Variants in RBFOX1 observed in about 807,000 individuals in gnomAD.
RBFOX1 encodes the protein RNA binding fox-1 homolog 1, also known as RNA binding protein fox-1 homolog 1.
In RBFOX1, 8 loss-of-function variants were observed where a neutral mutation model predicts 57.7. That is an observed-to-expected ratio of 0.14 (90% CI 0.08 to 0.25). The LOEUF is 0.25. Ranked by LOEUF, RBFOX1 falls within the 10% of genes least tolerant of loss-of-function variation. The pLI is 1.00. For missense variants in RBFOX1, 611 were observed against 548.5 expected (o/e 1.11, Z -1.14); for synonymous variants, 326 against 222.4 (o/e 1.47, Z -4.15).
At chr16:7,578,651 C>T (rs991611179) in intron 5 of RBFOX1, among the ~76,000 whole-genome samples, 2 of 151,736 alleles carry the variant, frequency 1.3e-5, no homozygotes, top group East Asian at 2.0e-4. Flanking sequence ...TGCTTATAAA[C>T]AGGTCAGGAT....
chr16:7,629,375 A>G (rs1245488527), intron 10 of RBFOX1, among the ~76,000 whole-genome samples: 1 of 152,196 alleles, frequency 6.6e-6, no homozygotes, highest in East Asian at 1.9e-4. Context: ...CCCTAGGGCA[A>G]GTCTCCAAGG....
chr16:7,508,236 C>A (rs936824309), intron 4 of RBFOX1, among the ~76,000 whole-genome samples: 1 of 152,110 alleles, frequency 6.6e-6, no homozygotes, highest in East Asian at 1.9e-4. Context: ...CCTCGGCCTT[C>A]CTAAGTGCTG....
At chr16:5,269,298 T>G (rs1337297304) in intron 1 of RBFOX1, among the ~76,000 whole-genome samples, 53 of 152,400 alleles carry the variant, frequency 3.5e-4, no homozygotes, top group Admixed American at 3.1e-3. Flanking sequence ...GTTTCCCTGA[T>G]GATGAATTTC....
At chr16:6,912,725 C>T (rs1449002886) in intron 3 of RBFOX1, among the ~76,000 whole-genome samples, 1 of 151,920 alleles carries the variant, frequency 6.6e-6, no homozygotes, top group Non-Finnish European at 1.5e-5. Context: ...TCAAGCAAGC[C>T]TACTACCTCA....
intron 5 of RBFOX1, among the ~76,000 whole-genome samples, chr16:7,554,189 A>G (rs1448334454): frequency 6.6e-6 from 1 of 152,226 alleles, no homozygotes; most frequent in Non-Finnish European, 1.5e-5. Context: ...AACAGTTTCA[A>G]TTTAATGTGT....
At chr16:5,479,749 TC>T (rs1245424862) in intron 2 of RBFOX1, among the ~76,000 whole-genome samples, 5 of 151,488 alleles carry the variant, frequency 3.3e-5, no homozygotes, top group Admixed American at 2.0e-4. Flanking sequence ...CGAAACTCCA[TC>T]CCCGCCCCTC....
At chr16:6,563,999 A>G (rs902104667) in intron 2 of RBFOX1, among the ~76,000 whole-genome samples, 1 of 151,986 alleles carries the variant, frequency 6.6e-6, no homozygotes, top group Non-Finnish European at 1.5e-5. Flanking sequence ...AGACATGTAA[A>G]CTACAGCACC....
chr16:6,934,416 C>T (rs76045051), intron 3 of RBFOX1, among the ~76,000 whole-genome samples: 3,757 of 152,090 alleles, frequency 0.025, 101 homozygotes, highest in African/African-American at 0.069. Flanking sequence ...GAAAGGGAGA[C>T]CTGCCTTTAC....
chr16:6,216,571 C>T (rs551678794), intron 1 of RBFOX1, among the ~76,000 whole-genome samples: 5 of 152,136 alleles, frequency 3.3e-5, no homozygotes, highest in Admixed American at 6.5e-5. Context: ...CTTCAGCCTT[C>T]GAGTGAGCAA....
chr16:7,568,524 C>G (rs986327793), intron 5 of RBFOX1, among the ~76,000 whole-genome samples: 2 of 152,134 alleles, frequency 1.3e-5, no homozygotes, highest in East Asian at 1.9e-4. Context: ...GCTTCTTTAC[C>G]TGTTTTATCA....
At chr16:6,858,292 C>G (rs1318556752) in intron 3 of RBFOX1, among the ~76,000 whole-genome samples, 3 of 152,280 alleles carry the variant, frequency 2.0e-5, no homozygotes, top group East Asian at 1.9e-4. Flanking sequence ...TCTTCCCTCT[C>G]TGTGTTGAGA....
At chr16:5,981,042 C>T (rs1180360688) in intron 4 of RBFOX1, among the ~76,000 whole-genome samples, 2 of 152,198 alleles carry the variant, frequency 1.3e-5, no homozygotes, top group Non-Finnish European at 2.9e-5. Context: ...GACTCCACCC[C>T]AGGCTACGTT....
chr16:5,581,457 A>C (rs1397298953), intron 2 of RBFOX1, among the ~76,000 whole-genome samples: 1 of 152,248 alleles, frequency 6.6e-6, no homozygotes, highest in Non-Finnish European at 1.5e-5. Flanking sequence ...AATGGAGTAC[A>C]CGAGTCAGTG....
At chr16:6,251,523 G>T (rs549794881) in intron 1 of RBFOX1, among the ~76,000 whole-genome samples, 1 of 152,150 alleles carries the variant, frequency 6.6e-6, no homozygotes, top group African/African-American at 2.4e-5. Context: ...TGGGTTTGGG[G>T]CTCTTTACAG....
intron 4 of RBFOX1, among the ~76,000 whole-genome samples, chr16:5,932,932 C>T (rs533654299): frequency 2.0e-5 from 3 of 152,216 alleles, no homozygotes; most frequent in African/African-American, 7.2e-5. Flanking sequence ...AAAGGTAAAG[C>T]TCTCAAAATT....
chr16:7,448,675 C>T (rs761684113), intron 4 of RBFOX1, among the ~76,000 whole-genome samples: 6 of 152,176 alleles, frequency 3.9e-5, no homozygotes, highest in Non-Finnish European at 8.8e-5. Flanking sequence ...TGTTTCTCTC[C>T]TGGCTCCTGG....
chr16:6,269,502 A>G (rs2074950651), intron 1 of RBFOX1, among the ~76,000 whole-genome samples: 1 of 152,184 alleles, frequency 6.6e-6, no homozygotes, highest in South Asian at 2.1e-4. Flanking sequence ...AGTAAAATGC[A>G]CGCCATCCTT....
intron 2 of RBFOX1, among the ~76,000 whole-genome samples, chr16:6,646,775 G>C (rs905311714): frequency 6.6e-6 from 1 of 152,096 alleles, no homozygotes; most frequent in Non-Finnish European, 1.5e-5. Context: ...TCCCGTTTCT[G>C]TTTAGGTTGC....
intron 4 of RBFOX1, among the ~76,000 whole-genome samples, chr16:7,195,257 C>A (rs560420207): frequency 1.4e-4 from 21 of 152,246 alleles, no homozygotes; most frequent in African/African-American, 5.1e-4. Context: ...TCTGGCTGAG[C>A]CTCATTCTCT....
Sources: gnomAD v4.1 joint callset for allele counts (sites outside exome capture counted in the v4.1 genomes callset) on GRCh38, gnomAD v4.1.1 for gene constraint, MANE v1.5 for transcripts, NCBI Gene and HGNC (gene_info 2026-07-23, HGNC 2026-07-21) for gene names.